SVOP: variants seen among roughly 807,000 people sequenced by gnomAD.
SVOP encodes the protein synaptic vesicle 2-related protein.
In SVOP, 17 loss-of-function variants were observed where a neutral mutation model predicts 69.1. The ratio of observed to expected loss-of-function variants is 0.25; its 90% CI spans 0.17 to 0.37. The LOEUF (loss-of-function observed/expected upper bound fraction) is 0.37, where lower values mean the gene tolerates loss of function less well. SVOP is among the 10% of genes least tolerant of loss of function. The pLI is 1.00. For missense variants in SVOP, 435 were observed against 597.5 expected (o/e 0.73, Z 2.84); for synonymous variants, 238 against 238.6 (o/e 1.00, Z 0.02).
chr12:108,931,875 G>A (rs1015925840), intron 11 of SVOP, among the ~76,000 whole-genome samples: 21 of 151,878 alleles, frequency 1.4e-4, no homozygotes, highest in Admixed American at 1.4e-3. Flanking sequence ...TCTGTTATGT[G>A]GCCGTGGTGG....
chr12:109,008,386 G>A (rs1479284376), intron 1 of SVOP, among the ~76,000 whole-genome samples: 1 of 152,156 alleles, frequency 6.6e-6, no homozygotes, highest in Non-Finnish European at 1.5e-5. Context: ...GGGAGATGGG[G>A]TGTGAGGGGT....
At chr12:108,917,089 C>T (rs1463892626) in intron 14 of SVOP, among the ~76,000 whole-genome samples, 2 of 152,212 alleles carry the variant, frequency 1.3e-5, no homozygotes, top group East Asian at 3.8e-4. Context: ...TATCAAAACC[C>T]TCCACTCTGG....
At chr12:109,005,249 C>A (rs1439065102) in intron 1 of SVOP, among the ~76,000 whole-genome samples, 1 of 152,088 alleles carries the variant, frequency 6.6e-6, no homozygotes, top group African/African-American at 2.4e-5. Flanking sequence ...GGTTTGAATC[C>A]CCTACCCACA....
intron 1 of SVOP, among the ~76,000 whole-genome samples, chr12:109,012,961 C>T (rs1236857940): frequency 2.0e-5 from 3 of 152,182 alleles, no homozygotes; most frequent in Non-Finnish European, 4.4e-5. Flanking sequence ...AGAAAATAGA[C>T]ATGAAGAAAC....
At chr12:108,937,403 G>A in intron 9 of SVOP, 66 bp from the exon 10 acceptor site, 1 of 1,488,934 alleles carries the variant, frequency 6.7e-7, no homozygotes, top group Non-Finnish European at 9.4e-7. Context: ...TGGGCTGGTG[G>A]CCTGAGACTA....
intron 15 of SVOP, among the ~76,000 whole-genome samples, chr12:108,915,171 CCAA>C (rs777933143): frequency 9.4e-6 from 1 of 106,690 alleles, no homozygotes; most frequent in Non-Finnish European, 2.0e-5. Flanking sequence ...AGACTCCATC[CCAA>C]AAAAAAAAAA....
At chr12:108,934,369 G>GACC (rs1321477718) in intron 10 of SVOP, 98 bp from the exon 11 acceptor site, 44 of 1,010,636 alleles carry the variant, frequency 4.4e-5, no homozygotes. Context: ...CAGCAGCAGG[G>GACC]ACCAGTCTTT....
At chr12:108,968,399 C>T (rs2040058983) in intron 5 of SVOP, among the ~76,000 whole-genome samples, 1 of 152,178 alleles carries the variant, frequency 6.6e-6, no homozygotes, top group South Asian at 2.1e-4. Context: ...TCCTCAAATC[C>T]ATGTTTCTGG....
At chr12:108,944,973 C>G in intron 7 of SVOP, 130 bp downstream of exon 7, 1 of 775,418 alleles carries the variant, frequency 1.3e-6, no homozygotes, top group Non-Finnish European at 2.0e-6. Context: ...GATCCTTTTA[C>G]GTCTTTGCAT....
chr12:108,990,307 A>G (rs1043245119), intron 1 of SVOP, among the ~76,000 whole-genome samples: 11 of 152,170 alleles, frequency 7.2e-5, no homozygotes, highest in Non-Finnish European at 1.5e-4. Flanking sequence ...ATAGTATTCC[A>G]TGGTGTTTAT....
At chr12:108,993,252 C>A (rs949366874) in intron 1 of SVOP, among the ~76,000 whole-genome samples, 48 of 152,120 alleles carry the variant, frequency 3.2e-4, no homozygotes, top group Middle Eastern at 6.8e-3. Context: ...AGATGATCCA[C>A]CTACCTCGGA....
chr12:108,960,807 A>G (rs1399680967), intron 6 of SVOP, 116 bp downstream of exon 6: 1 of 1,276,692 alleles, frequency 7.8e-7, no homozygotes, highest in Admixed American at 2.7e-5. Flanking sequence ...AAGCCCTGGT[A>G]TAGCTATCTC....
intron 14 of SVOP, among the ~76,000 whole-genome samples, chr12:108,917,460 G>C (rs1281533173): frequency 6.6e-6 from 1 of 152,046 alleles, no homozygotes; most frequent in Non-Finnish European, 1.5e-5. Context: ...TCTCCTCATA[G>C]GGCCCTACTA....
chr12:108,960,774 A>G, intron 6 of SVOP, 149 bp downstream of exon 6: 1 of 894,718 alleles, frequency 1.1e-6, no homozygotes, highest in South Asian at 2.1e-5. Context: ...TTTTCTTGCT[A>G]CACCATAGCT....
At chr12:108,952,846 G>A (rs1014517810) in intron 6 of SVOP, among the ~76,000 whole-genome samples, 1 of 152,096 alleles carries the variant, frequency 6.6e-6, no homozygotes, top group Admixed American at 6.6e-5. Context: ...GCAACAGAGC[G>A]AAATCCGGTT....
rs376926584 is a variant in SVOP at position 108,940,886 on chromosome 12, C to A, written c.666G>T (p.Val222=). ...LIEVFWAIGT[V]FEVVLAVFVM... ...CGAACACAGCCAGGACGACCTCGAA[C>A]ACTGTCCCGATGGCCCAGAATACCT... Residue 222 remains valine (V), a synonymous_variant, in exon 8 of 16, where the codon GTG becomes GTT. Transcript: ENST00000610966. 6.5e-7 allele frequency: 1 copy of A among 1,536,940 alleles called. No individual in the cohort carries two copies. Among genetic ancestry groups the A allele is most frequent in the African/African-American group, 1.4e-5 (1 of 73,018 alleles).
chr12:109,009,064 A>C (rs2040326483), intron 1 of SVOP, among the ~76,000 whole-genome samples: 1 of 146,176 alleles, frequency 6.8e-6, no homozygotes, highest in African/African-American at 2.6e-5. Context: ...CGGGTTCAAG[A>C]GATTCTCATG....
At chr12:108,925,898 C>A (rs772426991) in intron 11 of SVOP, among the ~76,000 whole-genome samples, 16 of 151,368 alleles carry the variant, frequency 1.1e-4, no homozygotes, top group Non-Finnish European at 1.8e-4. Context: ...ACCACTGCCC[C>A]TTTATCTGCC....
chr12:108,935,284 C>A, intron 10 of SVOP, among the ~76,000 whole-genome samples: 1 of 152,208 alleles, frequency 6.6e-6, no homozygotes. Flanking sequence ...AGACCGGAAC[C>A]TTCTCATCCA....
Sources: gnomAD v4.1 joint callset for allele counts (sites outside exome capture counted in the v4.1 genomes callset) on GRCh38, gnomAD v4.1.1 for gene constraint, MANE v1.5 for transcripts, NCBI Gene and HGNC (gene_info 2026-07-23, HGNC 2026-07-21) for gene names.